Variants in ATG5 observed in about 807,000 individuals in gnomAD.
ATG5 encodes autophagy related 5, also known as autophagy protein 5.
ATG5 carries 14 observed loss-of-function variants against 36.5 expected under a neutral mutation model. That is an observed-to-expected ratio of 0.38 (90% CI 0.25 to 0.60). The LOEUF (loss-of-function observed/expected upper bound fraction) is 0.60. Ranked by LOEUF, ATG5 falls within the 20% of genes least tolerant of loss-of-function variation. The probability of loss-of-function intolerance (pLI) is 0.60; values close to 1 mark genes in which losing one functional copy is unlikely to be tolerated. For missense variants in ATG5, 195 were observed against 326.7 expected (o/e 0.60, Z 3.11); for synonymous variants, 95 against 101.5 (o/e 0.94, Z 0.38).
intron 5 of ATG5, among the ~76,000 whole-genome samples, chr6:106,251,648 G>GGAGA (rs1778582554): frequency 0.012 from 3 of 252 alleles, no homozygotes; most frequent in Non-Finnish European, 0.023. Flanking sequence ...AGAGAGAGAG[G>GGAGA]GAGGGAGGGA....
chr6:106,257,773 A>G (rs1437943693), intron 5 of ATG5, among the ~76,000 whole-genome samples: 1 of 152,228 alleles, frequency 6.6e-6, no homozygotes, highest in African/African-American at 2.4e-5. Context: ...TGGTAGCTAC[A>G]TGGAAAATAC....
At chr6:106,202,942 C>T (rs985197335) in intron 6 of ATG5, among the ~76,000 whole-genome samples, 5 of 152,126 alleles carry the variant, frequency 3.3e-5, no homozygotes, top group South Asian at 4.1e-4. Context: ...GGGTTACAGG[C>T]GTGAGCCAAC....
chr6:106,233,233 G>A (rs1777758336), intron 6 of ATG5, among the ~76,000 whole-genome samples: 1 of 152,162 alleles, frequency 6.6e-6, no homozygotes, highest in Admixed American at 6.5e-5. Context: ...TGCCTATTCT[G>A]GCTTATCCTC....
chr6:106,186,701 A>G (rs755063582), intron 7 of ATG5, 25 bp from the exon 8 acceptor site: 29 of 1,610,366 alleles, frequency 1.8e-5, no homozygotes, highest in Non-Finnish European at 3.4e-6. Context: ...AAACCCAACA[A>G]CAATAAAAGT....
intron 6 of ATG5, among the ~76,000 whole-genome samples, chr6:106,211,203 GA>G (rs1776838118): frequency 6.6e-6 from 1 of 152,168 alleles, no homozygotes; most frequent in Admixed American, 6.5e-5. Context: ...TCTATTCACT[GA>G]AACAAAGTGA....
intron 3 of ATG5, among the ~76,000 whole-genome samples, chr6:106,295,720 T>G (rs1769897089): frequency 6.6e-6 from 1 of 152,130 alleles, no homozygotes; most frequent in Admixed American, 6.6e-5. Flanking sequence ...TGTGCCACTA[T>G]GCCCAGCTAA....
At chr6:106,193,683 G>T (rs1776060642) in intron 7 of ATG5, among the ~76,000 whole-genome samples, 1 of 152,080 alleles carries the variant, frequency 6.6e-6, no homozygotes, top group East Asian at 1.9e-4. Flanking sequence ...TATTTTATCT[G>T]CTTTCATAAA....
At chr6:106,248,412 T>C (rs1778435227) in intron 5 of ATG5, among the ~76,000 whole-genome samples, 168 bp from the exon 6 acceptor site, 1 of 152,214 alleles carries the variant, frequency 6.6e-6, no homozygotes, top group South Asian at 2.1e-4. Flanking sequence ...AAAGCAAATA[T>C]AAAATTAATT....
At chr6:106,204,520 T>C (rs1269057056) in intron 6 of ATG5, among the ~76,000 whole-genome samples, 3 of 152,180 alleles carry the variant, frequency 2.0e-5, no homozygotes, top group African/African-American at 7.2e-5. Context: ...TCCATCCAAA[T>C]CTCATCTCAA....
intron 3 of ATG5, among the ~76,000 whole-genome samples, chr6:106,300,706 A>G (rs146857927): frequency 2.0e-5 from 3 of 152,238 alleles, no homozygotes; most frequent in East Asian, 3.9e-4. Context: ...TAACACAATG[A>G]TAAGTATGTA....
chr6:106,207,219 C>G (rs577643810), intron 6 of ATG5, among the ~76,000 whole-genome samples: 1 of 152,320 alleles, frequency 6.6e-6, no homozygotes, highest in South Asian at 2.1e-4. Flanking sequence ...GCTCCCATCT[C>G]TCCTCTACTC....
intron 3 of ATG5, among the ~76,000 whole-genome samples, chr6:106,305,008 T>C (rs1263303549): frequency 6.6e-6 from 1 of 151,860 alleles, no homozygotes; most frequent in African/African-American, 2.4e-5. Flanking sequence ...GGAGAATCAC[T>C]TGAACCCGGG....
intron 6 of ATG5, among the ~76,000 whole-genome samples, chr6:106,219,204 T>A (rs768405498): frequency 3.3e-5 from 5 of 152,202 alleles, no homozygotes; most frequent in Non-Finnish European, 7.4e-5. Context: ...TACATTGGAT[T>A]TCCGGGTCTT....
In ATG5 at chr6:106,186,660, A is replaced by T. The variant is rs773836998; in HGVS notation, c.708T>A (p.Asn236Lys). ...AIDPEDGEKK[N>K]QVMIHGIEPM... ...GCTCAATTCCATGAATCATCACTTG[A>T]TTCTTTTTTTCCCCATCTATTCCAA... Residue 236 changes from asparagine (N) to lysine (K), a missense_variant, in exon 8 of 8, where the codon AAT becomes AAA. Transcript: ENST00000369076. 3 of 1,613,664 alleles carry T rather than the reference A, an allele frequency of 1.9e-6. No homozygotes were observed. Among genetic ancestry groups the T allele is most frequent in the Non-Finnish European group, 2.5e-6 (3 of 1,179,860 alleles).
chr6:106,235,348 T>C (rs1296830411), intron 6 of ATG5, among the ~76,000 whole-genome samples: 1 of 152,194 alleles, frequency 6.6e-6, no homozygotes, highest in African/African-American at 2.4e-5. Flanking sequence ...CCAATTGTAA[T>C]GATATCGAAC....
intron 7 of ATG5, among the ~76,000 whole-genome samples, chr6:106,197,672 C>CACCATGTG (rs1776251271): frequency 6.6e-6 from 1 of 152,090 alleles, no homozygotes; most frequent in Non-Finnish European, 1.5e-5. Flanking sequence ...CTTCCTCTCT[C>CACCATGTG]ACCATGTGAC....
chr6:106,194,528 CTTTTCTTTTTCT>C (rs147845413), intron 7 of ATG5, among the ~76,000 whole-genome samples: 9 of 151,054 alleles, frequency 6.0e-5, no homozygotes, highest in African/African-American at 2.2e-4. Context: ...ACCATTTTTT[CTTTTCTTTTTCT>C]TTTTCTTTTT....
chr6:106,229,379 A>C, intron 6 of ATG5, among the ~76,000 whole-genome samples: 1 of 152,062 alleles, frequency 6.6e-6, no homozygotes. Flanking sequence ...ACAGAGAGAG[A>C]CAGAGAGAAA....
intron 7 of ATG5, among the ~76,000 whole-genome samples, chr6:106,200,276 T>C (rs774662892): frequency 6.6e-6 from 1 of 152,168 alleles, no homozygotes; most frequent in Non-Finnish European, 1.5e-5. Flanking sequence ...ACTATTTCCT[T>C]AGATGCAAAA....
Sources: gnomAD v4.1 joint callset for allele counts (sites outside exome capture counted in the v4.1 genomes callset) on GRCh38, gnomAD v4.1.1 for gene constraint, MANE v1.5 for transcripts, NCBI Gene and HGNC (gene_info 2026-07-23, HGNC 2026-07-21) for gene names.